The following ZFHX3 variants were observed in gnomAD, a reference collection of about 807,000 sequenced individuals.
ZFHX3 encodes zinc finger homeobox protein 3.
ZFHX3 carries 42 observed loss-of-function variants against 279.1 expected under a neutral mutation model. The ratio of observed to expected loss-of-function variants is 0.15; its 90% confidence interval spans 0.12 to 0.19. The LOEUF is 0.19. Ranked by LOEUF, ZFHX3 falls within the 10% of genes least tolerant of loss-of-function variation. ZFHX3 has a pLI of 1.00. For missense variants in ZFHX3, 4,981 were observed against 4,754.0 expected (o/e 1.05, Z -1.40); for synonymous variants, 2,293 against 1,957.8 (o/e 1.17, Z -4.52).
exon 8 of ZFHX3, chr16:73,093,402 C>T (rs144748968): frequency 4.9e-4 from 220 of 452,850 alleles, no homozygotes; most frequent in African/African-American, 4.0e-3. Flanking sequence ...GATGCAGAAC[C>T]ACAGCTGATC....
intron 5 of ZFHX3, among the ~76,000 whole-genome samples, chr16:72,821,399 G>A (rs1288369998): frequency 6.6e-6 from 1 of 152,198 alleles, no homozygotes; most frequent in African/African-American, 2.4e-5. Flanking sequence ...ATTGTGTAAT[G>A]TTTATATTTA....
At chr16:73,714,824 A>C (rs1414444423) in intron 1 of ZFHX3, among the ~76,000 whole-genome samples, 1 of 151,922 alleles carries the variant, frequency 6.6e-6, no homozygotes, top group Admixed American at 6.6e-5. Context: ...GCTGCTTTTC[A>C]CTTTCCTGCT....
intron 6 of ZFHX3, among the ~76,000 whole-genome samples, chr16:73,140,658 C>T (rs1202114206): frequency 6.6e-6 from 1 of 152,150 alleles, no homozygotes; most frequent in East Asian, 1.9e-4. Flanking sequence ...GAGTTCAAGA[C>T]CAGCCTGGCC....
intron 1 of ZFHX3, among the ~76,000 whole-genome samples, chr16:73,800,189 A>T (rs959838593): frequency 3.3e-5 from 5 of 151,938 alleles, no homozygotes; most frequent in African/African-American, 1.2e-4. Flanking sequence ...GTGGCGCAAG[A>T]CTGCTTTTTG....
chr16:73,661,087 T>C (rs1264083262), intron 2 of ZFHX3, among the ~76,000 whole-genome samples: 1 of 152,202 alleles, frequency 6.6e-6, no homozygotes, highest in African/African-American at 2.4e-5. Flanking sequence ...GGATCTTCAT[T>C]TAACATTTTC....
intron 5 of ZFHX3, among the ~76,000 whole-genome samples, chr16:73,168,818 C>A (rs764370776): frequency 2.0e-5 from 3 of 152,160 alleles, no homozygotes; most frequent in Admixed American, 1.3e-4. Flanking sequence ...CCGTCCACTC[C>A]GCTTTACACC....
At chr16:73,678,877 C>G (rs2052981753) in intron 2 of ZFHX3, among the ~76,000 whole-genome samples, 1 of 152,084 alleles carries the variant, frequency 6.6e-6, no homozygotes, top group South Asian at 2.1e-4. Flanking sequence ...TTGGAAAATT[C>G]AAGTGTTTTG....
intron 5 of ZFHX3, among the ~76,000 whole-genome samples, chr16:73,171,824 G>T (rs116186007): frequency 0.025 from 3,845 of 152,052 alleles, 60 homozygotes; most frequent in Middle Eastern, 0.037. Context: ...CAACCTTTGG[G>T]GTTGAATGGG....
At chr16:73,631,154 G>A (rs1189520976) in intron 2 of ZFHX3, among the ~76,000 whole-genome samples, 1 of 152,158 alleles carries the variant, frequency 6.6e-6, no homozygotes, top group Non-Finnish European at 1.5e-5. Context: ...ACGCTGTTAG[G>A]TCAGGTATGA....
chr16:73,502,980 T>G (rs2019265310), intron 2 of ZFHX3, among the ~76,000 whole-genome samples: 1 of 152,238 alleles, frequency 6.6e-6, no homozygotes, highest in African/African-American at 2.4e-5. Context: ...TCATGGTGCA[T>G]CCACTGGTGT....
intron 4 of ZFHX3, among the ~76,000 whole-genome samples, chr16:73,313,083 G>A (rs1248253003): frequency 6.6e-6 from 1 of 152,124 alleles, no homozygotes; most frequent in African/African-American, 2.4e-5. Context: ...CCCCCTTGCT[G>A]TTCTCATGAT....
intron 3 of ZFHX3, among the ~76,000 whole-genome samples, chr16:72,931,367 T>C (rs973422745): frequency 6.7e-5 from 10 of 150,082 alleles, no homozygotes; most frequent in African/African-American, 2.0e-4. Flanking sequence ...GACTCAGAGC[T>C]GTAATCAGAG....
intron 2 of ZFHX3, among the ~76,000 whole-genome samples, chr16:73,644,684 A>AC (rs1288901719): frequency 2.1e-5 from 2 of 93,130 alleles, no homozygotes; most frequent in Admixed American, 1.3e-4. Flanking sequence ...ACAAAACTAA[A>AC]CAAAAAAACC....
At position 73,331,111 on chromosome 16, in the gene ZFHX3, T is replaced by C. The variant is rs374131796; in HGVS notation, c.-1290-12775A>G. Among the ~76,000 whole-genome samples, 83 of 152,264 alleles carry C rather than the reference T, an allele frequency of 5.5e-4. 1 individual carries two copies. The highest frequency in any genetic ancestry group is 1.8e-3 in the African/African-American group (75 of 41,546). The stretch of plus-strand genomic sequence containing the variant: ...GGAGGCCTCAGAAAACTTACAATCA[T>C]GGTGGAAGGGGAAGCAAACACACCC... On this transcript the variant is annotated intron_variant, in intron 3 of 17. Coordinates refer to the ZFHX3 transcript ENST00000641206.
chr16:73,353,807 G>GA (rs2016289771), intron 3 of ZFHX3, among the ~76,000 whole-genome samples: 1 of 152,072 alleles, frequency 6.6e-6, no homozygotes, highest in African/African-American at 2.4e-5. Context: ...GAGGAGATAG[G>GA]AAAAAGATAA....
chr16:73,321,766 A>G (rs2015578848), intron 3 of ZFHX3, among the ~76,000 whole-genome samples: 1 of 152,180 alleles, frequency 6.6e-6, no homozygotes, highest in Non-Finnish European at 1.5e-5. Flanking sequence ...GACTACTGAC[A>G]AAACACCAGC....
intron 4 of ZFHX3, among the ~76,000 whole-genome samples, chr16:72,842,180 A>G (rs2037359436): frequency 6.6e-6 from 1 of 152,174 alleles, no homozygotes; most frequent in East Asian, 1.9e-4. Flanking sequence ...GACGTCCCCA[A>G]ACTTTCATAA....
chr16:73,010,024 G>GAAAA (rs10709712), intron 1 of ZFHX3, among the ~76,000 whole-genome samples: 11 of 84,652 alleles, frequency 1.3e-4, no homozygotes, highest in Admixed American at 9.6e-4. Flanking sequence ...CCCTCTCAAA[G>GAAAA]AAAAAAAAAA....
At chr16:73,776,105 C>T (rs1959238606) in intron 1 of ZFHX3, among the ~76,000 whole-genome samples, 1 of 152,208 alleles carries the variant, frequency 6.6e-6, no homozygotes, top group African/African-American at 2.4e-5. Flanking sequence ...CCTTTCGGGA[C>T]TTCTCATACA....
Sources: gnomAD v4.1 joint callset for allele counts (sites outside exome capture counted in the v4.1 genomes callset) on GRCh38, gnomAD v4.1.1 for gene constraint, MANE v1.5 for transcripts, NCBI Gene and HGNC (gene_info 2026-07-23, HGNC 2026-07-21) for gene names.